The following LIN52 variants were observed in gnomAD, a reference collection of about 807,000 sequenced individuals.
LIN52 encodes the protein lin-52 DREAM MuvB core complex component.
A neutral mutation model predicts 18.5 loss-of-function variants in LIN52; 4 were observed. The ratio of observed to expected loss-of-function variants is 0.22; its 90% CI spans 0.11 to 0.49. The LOEUF (loss-of-function observed/expected upper bound fraction) is 0.49. Among genes scored for constraint, LIN52 ranks in the 20% least tolerant of loss-of-function variants. LIN52 has a pLI of 0.97. For synonymous variants in LIN52, 34 were observed against 45.5 expected (o/e 0.75, Z 1.02); for missense variants, 102 against 139.5 (o/e 0.73, Z 1.35).
chr14:74,165,579 G>A (rs2061245822), intron 5 of LIN52, among the ~76,000 whole-genome samples: 1 of 146,242 alleles, frequency 6.8e-6, no homozygotes, highest in South Asian at 2.2e-4. Context: ...CACAATCTTG[G>A]CTCCCTGCAA....
chr14:74,186,553 T>G (rs2061341531), intron 5 of LIN52, among the ~76,000 whole-genome samples: 1 of 150,688 alleles, frequency 6.6e-6, no homozygotes, highest in African/African-American at 2.4e-5. Flanking sequence ...GTGGATCACT[T>G]GAGCCCAGGA....
chr14:74,105,149 A>C (rs1285523627), intron 5 of LIN52, among the ~76,000 whole-genome samples: 3 of 152,194 alleles, frequency 2.0e-5, no homozygotes, highest in Non-Finnish European at 2.9e-5. Flanking sequence ...AATGACTTTC[A>C]ATGGAATCAA....
chr14:74,097,874 GT>G lies in LIN52; in HGVS notation c.199+16del. On this transcript the variant is annotated intron_variant, in intron 4 of 5. Coordinates refer to ENST00000555028, the MANE Select transcript of LIN52 (RefSeq NM_001024674.3). ...ACATGTTGAAAGGTAAGTGATGCTA[GT>G]TACCACTTTTAACTGGATATTTATG... 6.3e-7 allele frequency: 1 copy of G among 1,587,254 alleles called. No individual in the cohort carries two copies. Among genetic ancestry groups the G allele is most frequent in the African/African-American group, 1.3e-5 (1 of 74,434 alleles).
At chr14:74,163,342 A>G (rs1380895813) in intron 5 of LIN52, among the ~76,000 whole-genome samples, 2 of 152,138 alleles carry the variant, frequency 1.3e-5, no homozygotes, top group Non-Finnish European at 2.9e-5. Flanking sequence ...TCTGCCTCCC[A>G]AAGTGTTTGG....
intron 5 of LIN52, among the ~76,000 whole-genome samples, chr14:74,102,587 T>G (rs1345796572): frequency 6.6e-6 from 1 of 152,260 alleles, no homozygotes; most frequent in Non-Finnish European, 1.5e-5. Context: ...AATCTGTGAT[T>G]AGTAAATTCA....
At chr14:74,186,293 A>G (rs1367829788) in intron 5 of LIN52, among the ~76,000 whole-genome samples, 1 of 150,662 alleles carries the variant, frequency 6.6e-6, no homozygotes, top group East Asian at 2.0e-4. Context: ...CTCTGTCTCA[A>G]AAAAACAAAC....
chr14:74,099,114 T>C (rs1021722028), intron 4 of LIN52, among the ~76,000 whole-genome samples: 2 of 152,184 alleles, frequency 1.3e-5, no homozygotes, highest in East Asian at 1.9e-4. Flanking sequence ...CCCTACTTTA[T>C]TTATTTTATC....
chr14:74,192,775 G>A, intron 5 of LIN52: 1 of 233,930 alleles, frequency 4.3e-6, no homozygotes, highest in Non-Finnish European at 8.5e-6. Context: ...TGCACAGTTG[G>A]AAATGAGGAT....
At chr14:74,107,785 A>G (rs1160054774) in intron 5 of LIN52, among the ~76,000 whole-genome samples, 3 of 152,220 alleles carry the variant, frequency 2.0e-5, no homozygotes, top group Non-Finnish European at 2.9e-5. Context: ...CTGGGAAAGC[A>G]GAGGATTGTA....
At chr14:74,097,975 A>C in intron 4 of LIN52, 115 bp downstream of exon 4, 4 of 698,398 alleles carry the variant, frequency 5.7e-6, no homozygotes, top group Non-Finnish European at 9.8e-6. Context: ...CTTCTCATTT[A>C]AACCTCCTTA....
intron 5 of LIN52, chr14:74,114,490 ATGTC>A (rs1174092285): frequency 1.1e-6 from 1 of 877,960 alleles, no homozygotes; most frequent in Non-Finnish European, 1.4e-6. Flanking sequence ...GAGTAGGTAA[ATGTC>A]TGGATGGGGA....
chr14:74,139,536 T>G (rs980099317), intron 5 of LIN52, among the ~76,000 whole-genome samples: 4 of 151,428 alleles, frequency 2.6e-5, no homozygotes, highest in Non-Finnish European at 4.4e-5. Context: ...CTTGCAGACC[T>G]TTTTTTTTCC....
At chr14:74,127,970 T>A (rs2061038043) in intron 5 of LIN52, among the ~76,000 whole-genome samples, 1 of 152,156 alleles carries the variant, frequency 6.6e-6, no homozygotes, top group Non-Finnish European at 1.5e-5. Flanking sequence ...TGTAAGTCAG[T>A]GGCATGCAAA....
chr14:74,196,085 C>T (rs1230564359), intron 5 of LIN52, among the ~76,000 whole-genome samples: 2 of 152,102 alleles, frequency 1.3e-5, no homozygotes, highest in South Asian at 2.1e-4. Flanking sequence ...AACTTTCTCT[C>T]CTCCCATGTA....
chr14:74,197,998 C>T (rs28505437), intron 5 of LIN52, among the ~76,000 whole-genome samples: 11,248 of 152,184 alleles, frequency 0.074, 564 homozygotes, highest in African/African-American at 0.15. Flanking sequence ...CAGCCTACCC[C>T]GTGCCTACTG....
At chr14:74,193,760 A>ATTACCTAT (rs1357803622) in intron 5 of LIN52, among the ~76,000 whole-genome samples, 76 of 152,224 alleles carry the variant, frequency 5.0e-4, no homozygotes, top group South Asian at 6.2e-4. Flanking sequence ...TATGTGGCCC[A>ATTACCTAT]GGGTCAATGT....
At chr14:74,189,158 T>C (rs959389889) in intron 5 of LIN52, among the ~76,000 whole-genome samples, 2 of 152,228 alleles carry the variant, frequency 1.3e-5, no homozygotes, top group Non-Finnish European at 2.9e-5. Context: ...TGACTAGTTG[T>C]TGTTCTTCTA....
At chr14:74,111,954 C>T (rs2060931902) in intron 5 of LIN52, among the ~76,000 whole-genome samples, 1 of 151,974 alleles carries the variant, frequency 6.6e-6, no homozygotes, top group Non-Finnish European at 1.5e-5. Flanking sequence ...GATCTCAGCT[C>T]ACCGCAACCT....
In LIN52 at chr14:74,130,277, G is replaced by GGTTTTTTTTTTGTTTTTTTTTTTT. The variant is rs1555382568; in HGVS notation, c.283+29050_283+29051insGTTTTTTTTTTTTGTTTTTTTTTT. Among the ~76,000 whole-genome samples the GGTTTTTTTTTTGTTTTTTTTTTTT allele has an allele frequency of 3.7e-4, 17 of 46,420 alleles. 2 individuals are homozygous for GGTTTTTTTTTTGTTTTTTTTTTTT. The highest frequency in any genetic ancestry group is 3.0e-3 in the African/African-American group (17 of 5,622). The allele number at this position is 46,420 out of a possible 152,430, so 30.5% of individuals were successfully genotyped here. A position where few individuals can be genotyped will look rare whatever the true frequency, so the allele number is the denominator to read the frequency against. ...GGAATTTATTAGATAGGCATTTTTTGGTTTTTTTTTTTTTTTTTTGAGACA... is the reference window on the plus strand; with the variant it reads ...GGAATTTATTAGATAGGCATTTTTTGGTTTTTTTTTTGTTTTTTTTTTTTGTTTTTTTTTTTTTTTTTTGAGACA... On this transcript the variant is annotated intron_variant, in intron 5 of 5. Transcript: ENST00000555028.
Sources: allele counts gnomAD v4.1 joint callset (sites outside exome capture counted in the v4.1 genomes callset), GRCh38; gene constraint gnomAD v4.1.1; transcripts MANE v1.5; gene names NCBI Gene and HGNC (gene_info 2026-07-23, HGNC 2026-07-21).